CPS1: variants seen among roughly 807,000 people sequenced by gnomAD.
CPS1 encodes carbamoyl-phosphate synthase [ammonia], mitochondrial.
A neutral mutation model predicts 174.6 loss-of-function variants in CPS1; 109 were observed. The ratio of observed to expected loss-of-function variants is 0.62; its 90% CI spans 0.53 to 0.73. The LOEUF (loss-of-function observed/expected upper bound fraction) is 0.73. Among genes scored for constraint, CPS1 ranks in the 30% least tolerant of loss-of-function variants. CPS1 has a pLI of 0.00. For synonymous variants in CPS1, 637 were observed against 632.0 expected (o/e 1.01, Z -0.12); for missense variants, 1,689 against 1,821.9 (o/e 0.93, Z 1.33).
At chr2:210,585,179 A>T (rs573780968) in intron 6 of CPS1, among the ~76,000 whole-genome samples, 1 of 152,118 alleles carries the variant, frequency 6.6e-6, no homozygotes, top group African/African-American at 2.4e-5. Flanking sequence ...AATCCCCAGC[A>T]CTGCCTATAG....
At chr2:210,486,954 A>T (rs1694746682) in intron 1 of CPS1, among the ~76,000 whole-genome samples, 1 of 149,606 alleles carries the variant, frequency 6.7e-6, no homozygotes, top group South Asian at 2.1e-4. Context: ...TGTTTCCAGG[A>T]ACCAAGCCTA....
chr2:210,543,214 C>T (rs941484133), intron 1 of CPS1, among the ~76,000 whole-genome samples: 1 of 152,136 alleles, frequency 6.6e-6, no homozygotes, highest in Non-Finnish European at 1.5e-5. Context: ...CATCTCTATA[C>T]AGCAATTAAT....
chr2:210,500,256 T>A (rs1695105386), intron 1 of CPS1, among the ~76,000 whole-genome samples: 1 of 152,118 alleles, frequency 6.6e-6, no homozygotes, highest in Non-Finnish European at 1.5e-5. Flanking sequence ...CACAGCCATG[T>A]GATATCATCC....
At chr2:210,523,506 C>G (rs980565788) in intron 1 of CPS1, among the ~76,000 whole-genome samples, 10 of 152,102 alleles carry the variant, frequency 6.6e-5, no homozygotes, top group Middle Eastern at 6.8e-3. Flanking sequence ...ACCCTCCCAC[C>G]TTTCCGAGTC....
chr2:210,604,769 T>A (rs1698849534), intron 16 of CPS1, among the ~76,000 whole-genome samples: 2 of 151,946 alleles, frequency 1.3e-5, no homozygotes, highest in African/African-American at 2.4e-5. Context: ...ATTTTCTGGT[T>A]TCACAGAAGC....
At chr2:210,641,087 C>T (rs1477817991) in intron 24 of CPS1, among the ~76,000 whole-genome samples, 1 of 152,110 alleles carries the variant, frequency 6.6e-6, no homozygotes, top group African/African-American at 2.4e-5. Flanking sequence ...GAAGGCACAA[C>T]AGCACAAAGG....
chr2:210,477,835 G>C, intron 1 of CPS1: 10 of 1,546,246 alleles, frequency 6.5e-6, no homozygotes, highest in Non-Finnish European at 8.9e-6. Context: ...TCACAAGAGA[G>C]AAAAGGAAAA....
intron 6 of CPS1, among the ~76,000 whole-genome samples, chr2:210,585,145 G>A (rs746805974): frequency 5.4e-4 from 82 of 152,080 alleles, no homozygotes; most frequent in Admixed American, 2.2e-3. Context: ...TCTTTGAGGG[G>A]AGAGGCCATG....
In CPS1 at chr2:210,529,402, T is replaced by C. The variant is rs1445922407; in HGVS notation, c.4-27317T>C. Among the ~76,000 whole-genome samples, 3 of 152,022 alleles carry C rather than the reference T, an allele frequency of 2.0e-5. No homozygotes were observed. In the East Asian group the frequency reaches 5.8e-4, roughly 29 times the overall value. The stretch of plus-strand genomic sequence containing the variant: ...AAACCTATTTTAGAGTCTACCTCTT[T>C]TGATAACCAGAGAGTCAACCTGCAC... On this transcript the variant is annotated intron_variant, in intron 1 of 38. Coordinates refer to the CPS1 transcript ENST00000430249.
At chr2:210,592,982 A>T (rs752229662) in intron 11 of CPS1, 26 bp downstream of exon 11, 15 of 1,584,696 alleles carry the variant, frequency 9.5e-6, no homozygotes, top group African/African-American at 1.3e-5. Flanking sequence ...GAGGCCTATT[A>T]TGTATGCAAA....
At chr2:210,539,808 C>T (rs1404597908) in intron 1 of CPS1, among the ~76,000 whole-genome samples, 1 of 152,114 alleles carries the variant, frequency 6.6e-6, no homozygotes, top group African/African-American at 2.4e-5. Flanking sequence ...ACCTTGTCCC[C>T]AGGCTTCTTA....
At chr2:210,486,158 A>ACACT (rs1438539298) in intron 1 of CPS1, among the ~76,000 whole-genome samples, 1 of 111,974 alleles carries the variant, frequency 8.9e-6, no homozygotes, top group East Asian at 2.4e-4. Context: ...ACACACACAC[A>ACACT]CCCTGTATAT....
intron 2 of CPS1, 99 bp downstream of exon 2, chr2:210,573,506 A>T: frequency 2.2e-6 from 2 of 926,828 alleles, no homozygotes; most frequent in Non-Finnish European, 3.5e-6. Context: ...CATCGTAGTA[A>T]GACTACGTAT....
Position 210,668,253 on chromosome 2 carries a change from T to C in CPS1, c.4070T>C (p.Ile1357Thr), listed in dbSNP as rs776354436. 7 of 1,613,968 alleles carry C rather than the reference T, an allele frequency of 4.3e-6. No individual in the cohort carries two copies. Among genetic ancestry groups the C allele is most frequent in the African/African-American group, 1.3e-5 (1 of 75,032 alleles). ...GCAATGCTTTCCACAGGATTTAAGATACCCCAGAAAGGCATCCTGATAGGC... is the reference window on the plus strand; with the variant it reads ...GCAATGCTTTCCACAGGATTTAAGACACCCCAGAAAGGCATCCTGATAGGC... ...LKAMLSTGFK[I>T]PQKGILIGIQ... Residue 1357 changes from isoleucine (I) to threonine (T), a missense_variant, in exon 34 of 38, where the codon ATA becomes ACA. Transcript: ENST00000233072.
At chr2:210,496,844 A>G (rs369837829) in intron 1 of CPS1, among the ~76,000 whole-genome samples, 2 of 152,054 alleles carry the variant, frequency 1.3e-5, no homozygotes, top group East Asian at 3.9e-4. Context: ...CCTATTTAAT[A>G]CTTAAACTTC....
intron 28 of CPS1, among the ~76,000 whole-genome samples, chr2:210,653,735 A>T (rs1213423873): frequency 6.6e-6 from 1 of 152,192 alleles, no homozygotes; most frequent in Non-Finnish European, 1.5e-5. Context: ...CTTCCTCCTT[A>T]GTCCCCTCTT....
intron 1 of CPS1, among the ~76,000 whole-genome samples, chr2:210,522,398 A>T (rs984582995): frequency 7.2e-4 from 110 of 151,920 alleles, no homozygotes; most frequent in Non-Finnish European, 4.4e-5. Flanking sequence ...TTTTTTTTAA[A>T]CTTTAGCTAG....
At chr2:210,621,797 C>G (rs550224725) in intron 21 of CPS1, among the ~76,000 whole-genome samples, 2 of 152,178 alleles carry the variant, frequency 1.3e-5, no homozygotes, top group Admixed American at 1.3e-4. Flanking sequence ...ACTCTTAATA[C>G]TGAAACTTGA....
intron 36 of CPS1, among the ~76,000 whole-genome samples, chr2:210,676,438 G>T (rs1701539177): frequency 6.6e-6 from 1 of 152,180 alleles, no homozygotes; most frequent in South Asian, 2.1e-4. Flanking sequence ...ATAATTCTCT[G>T]CTGTTTTAAG....
Sources: gnomAD v4.1 joint callset for allele counts (sites outside exome capture counted in the v4.1 genomes callset) on GRCh38, gnomAD v4.1.1 for gene constraint, MANE v1.5 for transcripts, NCBI Gene and HGNC (gene_info 2026-07-23, HGNC 2026-07-21) for gene names.